RAD50: variants seen among roughly 807,000 people sequenced by gnomAD.
The protein encoded by RAD50 is RAD50 double strand break repair protein.
In RAD50, 132 loss-of-function variants were observed where a neutral mutation model predicts 168.8. The ratio of observed to expected loss-of-function variants is 0.78; its 90% confidence interval spans 0.68 to 0.90. The LOEUF is 0.90. Among genes scored for constraint, RAD50 ranks in the 40% least tolerant of loss-of-function variants. The pLI, the probability that RAD50 is intolerant of heterozygous loss-of-function variation, is 0.00. For synonymous variants in RAD50, 525 were observed against 497.4 expected (o/e 1.06, Z -0.74); for missense variants, 1,347 against 1,534.4 (o/e 0.88, Z 2.04).
Position 132,645,700 on chromosome 5 carries a change from G to A in RAD50, c.*3336G>A, listed in dbSNP as rs1430946646. On this transcript the variant is annotated 3_prime_UTR_variant, in exon 25 of 25. Transcript: ENST00000378823. ...ACGGTAAGTGGGCAATTAGAGTTTG[G>A]TGCCCCAGGGAGACTCTGGGGAGTT... 2.0e-5 allele frequency: 3 copies of A among 152,132 alleles called. No individual in the cohort carries two copies. Among genetic ancestry groups the A allele is most frequent in the Non-Finnish European group, 4.4e-5 (3 of 68,010 alleles). The allele number at this position is 152,132 out of a possible 1,614,324, so 9.4% of individuals were successfully genotyped here.
At position 132,603,530 on chromosome 5, in the gene RAD50, ATGG is replaced by A. The variant is rs1750927078; in HGVS notation, c.2397+45_2397+47del. 3 of 1,584,000 alleles carry A rather than the reference ATGG, an allele frequency of 1.9e-6. No homozygotes were observed. In the East Asian group the frequency reaches 6.7e-5, roughly 35 times the overall value. On this transcript the variant is annotated intron_variant, in intron 14 of 24. Transcript: ENST00000378823. Reference sequence around the variant, plus strand: ...TTTAAGGCAGAATAAAACTTGTTCCATGGTGGCTTGAATTTGAAGTGTGAGAGT... The same window carrying A: ...TTTAAGGCAGAATAAAACTTGTTCCATGGCTTGAATTTGAAGTGTGAGAGT...
In RAD50 at chr5:132,608,731, A is replaced by G. The variant is rs1060501966; in HGVS notation, c.2829+6A>G. ...ACAAAATAGCACAGGATAAAGTAAG[A>G]TTTCATTTATATATTTACTTATCAA... On this transcript the variant is annotated splice_donor_region_variant and intron_variant, in intron 17 of 24. Coordinates refer to ENST00000378823, the MANE Select transcript of RAD50 (RefSeq NM_005732.4). 1.9e-6 allele frequency: 3 copies of G among 1,570,120 alleles called. No individual in the cohort carries two copies. Among genetic ancestry groups the G allele is most frequent in the Non-Finnish European group, 2.6e-6 (3 of 1,157,712 alleles).
At chr5:132,571,490 A>C (rs542940867) in intron 2 of RAD50, among the ~76,000 whole-genome samples, 1 of 152,212 alleles carries the variant, frequency 6.6e-6, no homozygotes, top group Non-Finnish European at 1.5e-5. Context: ...TGGTGAAGCT[A>C]GGAGATACAC....
intron 10 of RAD50, among the ~76,000 whole-genome samples, chr5:132,591,659 T>C (rs1750702104): frequency 6.6e-6 from 1 of 152,146 alleles, no homozygotes; most frequent in Admixed American, 6.5e-5. Flanking sequence ...TACACAAATT[T>C]TAAAATTTTA....
intron 19 of RAD50, among the ~76,000 whole-genome samples, chr5:132,615,732 A>G (rs1428303748): frequency 6.6e-6 from 1 of 152,240 alleles, no homozygotes; most frequent in African/African-American, 2.4e-5. Context: ...ACTCCCCATC[A>G]AACAGTAGAC....
intron 2 of RAD50, among the ~76,000 whole-genome samples, chr5:132,568,838 A>G (rs1172793534): frequency 2.6e-5 from 4 of 152,244 alleles, no homozygotes; most frequent in African/African-American, 7.2e-5. Context: ...TGTTAAAGAA[A>G]GTTTTTGAGG....
rs1751809438 is a variant in RAD50, at chr5:132,644,525, T to TC, written c.*2161_*2162insC. On this transcript the variant is annotated 3_prime_UTR_variant, in exon 25 of 25. Coordinates refer to ENST00000378823, the MANE Select transcript of RAD50 (RefSeq NM_005732.4). ...AATGGTACATATTTTGTAGGGTTGT[T>TC]ATGAAGATTGAATGACATTATTTAC... The TC allele has an allele frequency of 1.1e-5, 2 of 181,314 alleles. No homozygotes were observed. The highest frequency in any genetic ancestry group is 4.7e-5 in the African/African-American group (2 of 42,432). The allele number at this position is 181,314 out of a possible 1,614,324, so 11.2% of individuals were successfully genotyped here. A position where few individuals can be genotyped will look rare whatever the true frequency, so the allele number is the denominator to read the frequency against.
At chr5:132,568,075 A>T (rs1395443522) in intron 2 of RAD50, among the ~76,000 whole-genome samples, 5 of 151,460 alleles carry the variant, frequency 3.3e-5, no homozygotes, top group South Asian at 2.1e-4. Flanking sequence ...AATTTTTTTT[A>T]AATTTTTTTT....
At chr5:132,603,264 T>C (rs1297839278) in intron 13 of RAD50, 36 bp from the exon 14 acceptor site, 1 of 1,546,540 alleles carries the variant, frequency 6.5e-7, no homozygotes, top group South Asian at 1.2e-5. Context: ...GTGAGAAACA[T>C]CAGATACTTT....
At chr5:132,575,714 T>G (rs1750382970) in intron 2 of RAD50, 63 bp from the exon 3 acceptor site, 6 of 1,502,018 alleles carry the variant, frequency 4.0e-6, no homozygotes, top group Non-Finnish European at 5.6e-6. Flanking sequence ...TATGCCTTTT[T>G]CTCAGAACCA....
chr5:132,579,637 C>A, intron 4 of RAD50, 135 bp downstream of exon 4: 1 of 911,618 alleles, frequency 1.1e-6, no homozygotes, highest in South Asian at 1.6e-5. Context: ...CAGCAGCAAC[C>A]ATTGGGCATA....
intron 19 of RAD50, among the ~76,000 whole-genome samples, chr5:132,609,608 C>A (rs1300087992): frequency 6.6e-6 from 1 of 152,074 alleles, no homozygotes; most frequent in Non-Finnish European, 1.5e-5. Context: ...ACAGTGAAAC[C>A]CTGTCTGTAC....
intron 13 of RAD50, among the ~76,000 whole-genome samples, chr5:132,602,279 C>G (rs911934680): frequency 6.6e-6 from 1 of 152,078 alleles, no homozygotes; most frequent in Non-Finnish European, 1.5e-5. Context: ...TAATAAGACT[C>G]CTATTAGAGA....
intron 21 of RAD50, among the ~76,000 whole-genome samples, chr5:132,626,541 T>G (rs191840533): frequency 1.1e-3 from 164 of 152,328 alleles, no homozygotes; most frequent in African/African-American, 3.5e-3. Context: ...TCCAGCTTCC[T>G]TTGTCATGTT....
At chr5:132,613,219 A>T (rs893649841) in intron 19 of RAD50, among the ~76,000 whole-genome samples, 1 of 152,142 alleles carries the variant, frequency 6.6e-6, no homozygotes, top group Admixed American at 6.5e-5. Flanking sequence ...GTACTGATTT[A>T]AGCCCTGCTA....
At chr5:132,609,056 G>C in intron 17 of RAD50, 61 bp from the exon 18 acceptor site, 9 of 1,590,578 alleles carry the variant, frequency 5.7e-6, no homozygotes, top group African/African-American at 1.3e-5. Flanking sequence ...GTTTTACTGT[G>C]CTCTCCTGTT....
intron 5 of RAD50, 43 bp downstream of exon 5, chr5:132,580,109 T>C: frequency 6.9e-7 from 1 of 1,447,952 alleles, no homozygotes; most frequent in East Asian, 2.3e-5. Flanking sequence ...TGTATATCTT[T>C]ATGGTATACA....
rs876659225 is a variant in RAD50, at chr5:132,588,776, G to A, written c.1141G>A (p.Asp381Asn). 1 of 1,613,916 alleles carries A rather than the reference G, an allele frequency of 6.2e-7. No individual in the cohort carries two copies. The highest frequency in any genetic ancestry group is 8.5e-7 in the Non-Finnish European group (1 of 1,179,842). Residue 381 changes from aspartate (D) to asparagine (N), a missense_variant, in exon 8 of 25, where the codon GAT becomes AAT. This residue lies in a region of RAD50 where 703 missense variants were observed against 767.7 expected (regional missense o/e 0.92). Coordinates refer to ENST00000378823, the MANE Select transcript of RAD50 (RefSeq NM_005732.4). ...IQSLATQLEL[D>N]GFERGPFSER... is the part of the protein sequence containing the mutation. ...GTCTTTGGCAACACAGCTAGAATTG[G>A]ATGGCTTTGAGCGTGGACCATTCAG...
chr5:132,602,440 A>G lies in RAD50; in HGVS notation c.2208-860A>G, dbSNP rs112497974. On this transcript the variant is annotated intron_variant, in intron 13 of 24. Transcript: ENST00000378823. ...GCAAAAATAGTTGTCAGTACCTGCC[A>G]TGGAGGTGGTAATTCATTAGCTACA... is the stretch of plus-strand genomic sequence containing the variant. Among the ~76,000 whole-genome samples, 326 of 152,318 alleles carry G rather than the reference A, an allele frequency of 2.1e-3. 3 individuals carry two copies. Among genetic ancestry groups the G allele is most frequent in the African/African-American group, 6.9e-3 (288 of 41,568 alleles).
Sources: gnomAD v4.1 joint callset for allele counts (sites outside exome capture counted in the v4.1 genomes callset) on GRCh38, gnomAD v4.1.1 for gene constraint, gnomAD v4.1.1 regional missense constraint, MANE v1.5 for transcripts, NCBI Gene and HGNC (gene_info 2026-07-23, HGNC 2026-07-21) for gene names.